The following SLC24A2 variants were observed in gnomAD, a reference collection of about 807,000 sequenced individuals.
SLC24A2 encodes the protein solute carrier family 24 member 2.
In SLC24A2, 36 loss-of-function variants were observed where a neutral mutation model predicts 62.0. That is an observed-to-expected ratio of 0.58 (90% CI 0.44 to 0.77). The LOEUF (loss-of-function observed/expected upper bound fraction) is 0.77, where lower values mean the gene tolerates loss of function less well. SLC24A2 is among the 30% of genes least tolerant of loss of function. The probability of loss-of-function intolerance (pLI) is 0.00; values close to 1 mark genes in which losing one functional copy is unlikely to be tolerated. For synonymous variants in SLC24A2, 358 were observed against 294.0 expected (o/e 1.22, Z -2.23); for missense variants, 846 against 817.9 (o/e 1.03, Z -0.42).
chr9:20,058,851 C>T, the SLC24A2 span, among the ~76,000 whole-genome samples: 1 of 152,128 alleles, frequency 6.6e-6, no homozygotes, highest in Admixed American at 6.5e-5. Context: ...AAGTTGAGTC[C>T]CCCTTTTATT....
chr9:19,906,232 G>C, the SLC24A2 span, among the ~76,000 whole-genome samples: 873 of 152,126 alleles, frequency 5.7e-3, 8 homozygotes, highest in African/African-American at 0.02. Context: ...TGACTACTGG[G>C]TACATAACGA....
the SLC24A2 span, among the ~76,000 whole-genome samples, chr9:19,796,424 C>T: frequency 1.3e-5 from 2 of 152,212 alleles, no homozygotes; most frequent in African/African-American, 4.8e-5. Context: ...TTACATCTCC[C>T]ACATGGTACT....
the SLC24A2 span, among the ~76,000 whole-genome samples, chr9:19,993,979 A>G: frequency 6.6e-6 from 1 of 152,174 alleles, no homozygotes; most frequent in African/African-American, 2.4e-5. Context: ...CTCGTTTGTA[A>G]TTAATCTTCA....
the SLC24A2 span, among the ~76,000 whole-genome samples, chr9:20,101,734 C>T: frequency 6.6e-6 from 1 of 151,740 alleles, no homozygotes; most frequent in East Asian, 1.9e-4. Context: ...CAACTCAGGT[C>T]TGAAAAAAAT....
the SLC24A2 span, among the ~76,000 whole-genome samples, chr9:19,979,163 G>T: frequency 6.6e-6 from 1 of 152,154 alleles, no homozygotes; most frequent in Non-Finnish European, 1.5e-5. Context: ...TGACATGACA[G>T]CCTGTCCTGG....
rs965037935 is a variant in SLC24A2 at position 19,511,941 on chromosome 9, C to T, written c.*4212G>A. 2.6e-5 allele frequency: 4 copies of T among 152,244 alleles called. No individual in the cohort carries two copies. The highest frequency in any genetic ancestry group is 7.2e-5 in the African/African-American group (3 of 41,444). 9.4% of individuals were successfully genotyped at this position (152,244 alleles called of 1,614,324 possible). A position where few individuals can be genotyped will look rare whatever the true frequency, so the allele number is the denominator to read the frequency against. On this transcript the variant is annotated 3_prime_UTR_variant, in exon 11 of 11. Coordinates refer to ENST00000341998, the MANE Select transcript of SLC24A2 (RefSeq NM_020344.4). Reference sequence around the variant, plus strand: ...ACACTGCCATGTTCTGAAATGCCTGCCATCAGACCCATGTTAGATAGTCCA... The same window carrying T: ...ACACTGCCATGTTCTGAAATGCCTGTCATCAGACCCATGTTAGATAGTCCA...
At chr9:19,660,607 G>C (rs947485916) in intron 2 of SLC24A2, among the ~76,000 whole-genome samples, 1 of 152,100 alleles carries the variant, frequency 6.6e-6, no homozygotes, top group Non-Finnish European at 1.5e-5. Flanking sequence ...CAGATGTCTC[G>C]TGCTTTCCTG....
the SLC24A2 span, among the ~76,000 whole-genome samples, chr9:20,260,849 CT>C: frequency 0.022 from 2,029 of 90,292 alleles, 36 homozygotes; most frequent in African/African-American, 0.065. Flanking sequence ...ATCATTCTTT[CT>C]TTTTTTTTTT....
At position 19,512,217 on chromosome 9, in the gene SLC24A2, C is replaced by T. The variant is rs1002597553; in HGVS notation, c.*3936G>A. 6.6e-6 allele frequency: 1 copy of T among 152,220 alleles called. No individual in the cohort carries two copies. The highest frequency in any genetic ancestry group is 1.5e-5 in the Non-Finnish European group (1 of 68,056). 9.4% of individuals were successfully genotyped at this position (152,220 alleles called of 1,614,324 possible). ...ACATTAACATTGTCAAATGTCTAAT[C>T]AGCGAGGCAGCTGCGTTTTGCTGAA... On this transcript the variant is annotated 3_prime_UTR_variant, in exon 11 of 11. Transcript: ENST00000341998.
the SLC24A2 span, among the ~76,000 whole-genome samples, chr9:20,117,908 A>G: frequency 6.6e-6 from 1 of 152,160 alleles, no homozygotes; most frequent in Non-Finnish European, 1.5e-5. Flanking sequence ...AGTTGTTATT[A>G]ATATTACAAA....
At chr9:19,915,404 A>G in the SLC24A2 span, among the ~76,000 whole-genome samples, 15 of 152,068 alleles carry the variant, frequency 9.9e-5, no homozygotes, top group African/African-American at 3.6e-4. Flanking sequence ...TTCCGGTACA[A>G]GCTTTTGTGT....
At chr9:20,121,045 G>C in the SLC24A2 span, among the ~76,000 whole-genome samples, 5 of 148,520 alleles carry the variant, frequency 3.4e-5, no homozygotes, top group South Asian at 1.1e-3. Context: ...TTTGAAATTA[G>C]GTACTATGGC....
At chr9:19,897,215 T>A in the SLC24A2 span, among the ~76,000 whole-genome samples, 1 of 152,204 alleles carries the variant, frequency 6.6e-6, no homozygotes, top group Non-Finnish European at 1.5e-5. Flanking sequence ...TTATCTACCT[T>A]TTTGCTTTCA....
the SLC24A2 span, among the ~76,000 whole-genome samples, chr9:20,039,243 C>G: frequency 4.6e-5 from 7 of 152,230 alleles, no homozygotes; most frequent in Admixed American, 3.9e-4. Context: ...TCAAATGACC[C>G]AAAGGGACTA....
At chr9:19,692,249 T>C (rs1054263659) in intron 2 of SLC24A2, among the ~76,000 whole-genome samples, 3 of 152,170 alleles carry the variant, frequency 2.0e-5, no homozygotes, top group African/African-American at 7.2e-5. Flanking sequence ...TTAAAAGCCA[T>C]GAACTATGTT....
At chr9:19,819,825 A>G in the SLC24A2 span, among the ~76,000 whole-genome samples, 4 of 151,718 alleles carry the variant, frequency 2.6e-5, no homozygotes, top group African/African-American at 9.7e-5. Flanking sequence ...AAGTAGAACT[A>G]CCATTTGATC....
the SLC24A2 span, among the ~76,000 whole-genome samples, chr9:20,068,526 A>C: frequency 1.3e-5 from 2 of 152,106 alleles, no homozygotes; most frequent in Non-Finnish European, 2.9e-5. Flanking sequence ...ACCCCGCCTT[A>C]AACAAAACTC....
At chr9:20,146,091 T>A in the SLC24A2 span, among the ~76,000 whole-genome samples, 1 of 152,166 alleles carries the variant, frequency 6.6e-6, no homozygotes. Flanking sequence ...AAGGCTGCAA[T>A]TAACATTCTT....
chr9:20,283,985 C>T, the SLC24A2 span, among the ~76,000 whole-genome samples: 1 of 152,318 alleles, frequency 6.6e-6, no homozygotes, highest in South Asian at 2.1e-4. Context: ...GCCCAAAAAG[C>T]TGCTTTTCCC....
Sources: gnomAD v4.1 joint callset for allele counts (sites outside exome capture counted in the v4.1 genomes callset) on GRCh38, gnomAD v4.1.1 for gene constraint, MANE v1.5 for transcripts, NCBI Gene and HGNC (gene_info 2026-07-23, HGNC 2026-07-21) for gene names.